Variants in MACF1 observed in about 807,000 individuals in gnomAD.
The protein encoded by MACF1 is microtubule actin crosslinking factor 1.
In MACF1, 193 loss-of-function variants were observed where a neutral mutation model predicts 854.8. That is an observed-to-expected ratio of 0.23 (90% CI 0.20 to 0.25). MACF1 has a LOEUF of 0.25. Ranked by LOEUF, MACF1 falls within the 10% of genes least tolerant of loss-of-function variation. The pLI is 1.00. For missense variants in MACF1, 7,722 were observed against 8,929.1 expected, an observed-to-expected ratio of 0.86 and a Z score of 5.45; for synonymous variants, 3,185 against 3,226.7, an observed-to-expected ratio of 0.99 and a Z score of 0.44.
At chr1:39,201,389 G>A (rs907307315), upstream of MACF1, among the ~76,000 whole-genome samples, 4 of 151,754 alleles carry the variant, frequency 2.6e-5, no homozygotes, top group East Asian at 3.9e-4. Flanking sequence ...ATAGAGTTTC[G>A]TTCTGTCACC....
chr1:39,315,654 G>A lies in MACF1; in HGVS notation c.3412G>A (p.Asp1138Asn). Residue 1138 changes from aspartate (D) to asparagine (N), a missense_variant, in exon 27 of 101, where the codon GAC becomes AAC. Asp to Asn is a conservative substitution (Grantham distance 23). Coordinates refer to ENST00000564288, the MANE Select transcript of MACF1 (RefSeq NM_001394062.1). ...SELNLLVEKMDHVYGLSTVYL... is the reference protein window; with the variant it reads ...SELNLLVEKMNHVYGLSTVYL... ...ACTGAATCTGCTGGTGGAGAAGATGGACCATGTCTATGGTCTCTCTACTGT... is the reference window on the plus strand; with the variant it reads ...ACTGAATCTGCTGGTGGAGAAGATGAACCATGTCTATGGTCTCTCTACTGT... 2 of 1,614,128 alleles carry A rather than the reference G, an allele frequency of 1.2e-6. No individual in the cohort carries two copies. Among genetic ancestry groups the A allele is most frequent in the Middle Eastern group, 1.7e-4 (1 of 6,060 alleles).
At chr1:39,438,692 C>T (rs1249542208) in intron 71 of MACF1, among the ~76,000 whole-genome samples, 5 of 152,078 alleles carry the variant, frequency 3.3e-5, no homozygotes, top group East Asian at 1.9e-4. Context: ...GCAGGAGAAT[C>T]GCTTGAACCT....
At chr1:39,157,388 T>A (rs188025819) in intron 2 of MACF1, among the ~76,000 whole-genome samples, 1 of 152,240 alleles carries the variant, frequency 6.6e-6, no homozygotes, top group African/African-American at 2.4e-5. Flanking sequence ...CTGCATCCAA[T>A]CTGTAATTGG....
chr1:39,309,687 C>A lies in MACF1; in HGVS notation c.2907C>A (p.Asn969Lys). 1 of 1,610,726 alleles carries A rather than the reference C, an allele frequency of 6.2e-7. No individual in the cohort carries two copies. The highest frequency in any genetic ancestry group is 8.5e-7 in the Non-Finnish European group (1 of 1,179,136). ...RKDLDLVQTW[N>K]LEKLRSSAPG... is the part of the protein sequence containing the mutation. Reference sequence around the variant, plus strand: ...ACCTTGACCTTGTACAGACCTGGAACCTAGAAAAGGTAATTATGAAAACCT... The same window carrying A: ...ACCTTGACCTTGTACAGACCTGGAAACTAGAAAAGGTAATTATGAAAACCT... The change falls in exon 24 of 101, where the codon AAC becomes AAA. Residue 969 changes from asparagine to lysine, a missense_variant. Physicochemically the swap from Asn to Lys is moderately conservative, Grantham distance 94. Coordinates refer to ENST00000564288, the MANE Select transcript of MACF1 (RefSeq NM_001394062.1).
At chr1:39,269,535 T>G (rs1245743002) in intron 6 of MACF1, 25 of 1,289,662 alleles carry the variant, frequency 1.9e-5, no homozygotes, top group Non-Finnish European at 2.4e-5. Context: ...TCAGAGTGAT[T>G]TGTCCATCAG....
chr1:39,228,416 T>A (rs1376236941), intron 1 of MACF1, among the ~76,000 whole-genome samples: 3 of 152,058 alleles, frequency 2.0e-5, no homozygotes, highest in African/African-American at 7.2e-5. Context: ...GGAAAATAAG[T>A]AGTATGAGCA....
chr1:39,441,168 G>A (rs1356636107), intron 73 of MACF1, 43 bp downstream of exon 73: 1 of 1,614,036 alleles, frequency 6.2e-7, no homozygotes, highest in East Asian at 2.2e-5. Context: ...ACATTAGTGG[G>A]CCCAGACTGA....
At chr1:39,448,561 T>C in intron 83 of MACF1, 33 bp from the exon 84 acceptor site, 1 of 1,459,116 alleles carries the variant, frequency 6.9e-7, no homozygotes, top group South Asian at 1.6e-5. Flanking sequence ...GTCTGACTTT[T>C]AACACTTTTT....
At chr1:39,118,998 A>G (rs1642616803) in intron 2 of MACF1, among the ~76,000 whole-genome samples, 1 of 152,160 alleles carries the variant, frequency 6.6e-6, no homozygotes, top group Non-Finnish European at 1.5e-5. Context: ...TGGAAAACTA[A>G]ATGGTGATTT....
At chr1:39,383,089 CCAGCCTGG>C (rs1338013301) in intron 56 of MACF1, among the ~76,000 whole-genome samples, 2 of 152,112 alleles carry the variant, frequency 1.3e-5, no homozygotes, top group African/African-American at 2.4e-5. Flanking sequence ...CCACTGCACT[CCAGCCTGG>C]GCAACAGAGC....
At chr1:39,116,855 A>C (rs1294975641) in intron 2 of MACF1, among the ~76,000 whole-genome samples, 3 of 152,076 alleles carry the variant, frequency 2.0e-5, no homozygotes. Flanking sequence ...TGGAGGATTC[A>C]CTCACTCTCC....
chr1:39,429,751 AT>A (rs1001219831), intron 64 of MACF1, 75 bp from the exon 65 acceptor site: 20 of 1,413,814 alleles, frequency 1.4e-5, no homozygotes, highest in Non-Finnish European at 1.9e-5. Flanking sequence ...TAAAGCTCTG[AT>A]TTGAAGAAAG....
At chr1:39,095,844 A>G (rs1288629467) in intron 2 of MACF1, among the ~76,000 whole-genome samples, 1 of 151,706 alleles carries the variant, frequency 6.6e-6, no homozygotes, top group Non-Finnish European at 1.5e-5. Context: ...ACTACACTCC[A>G]GCGTAGGCAA....
chr1:39,388,680 C>T, intron 58 of MACF1, 22 bp downstream of exon 58: 1 of 1,516,002 alleles, frequency 6.6e-7, no homozygotes, highest in Non-Finnish European at 8.8e-7. Context: ...CCTTGTTTTT[C>T]TTTTTCTTTT....
intron 6 of MACF1, chr1:39,268,852 C>G: frequency 7.8e-7 from 1 of 1,289,786 alleles, no homozygotes; most frequent in Non-Finnish European, 1.0e-6. Context: ...GAAGAAACCT[C>G]AGAAGGAACT....
Position 39,209,751 on chromosome 1 carries a change from C to T in MACF1, c.109+4620C>T, listed in dbSNP as rs1181384850. 4.6e-5 allele frequency among the ~76,000 whole-genome samples: 7 copies of T among 152,020 alleles called. No homozygotes were observed. The East Asian group carries it at 5.8e-4, about 13-fold the overall frequency. On this transcript the variant is annotated intron_variant, in intron 1 of 100. Coordinates refer to ENST00000564288, the MANE Select transcript of MACF1 (RefSeq NM_001394062.1). ...GAATTGTTGTTGTCTCCCTTCTAGT[C>T]GCTGCTATGCCCTTGGTTTTCTTGA...
At chr1:39,257,893 A>C in intron 5 of MACF1, 43 bp from the exon 6 acceptor site, 2 of 1,441,852 alleles carry the variant, frequency 1.4e-6, no homozygotes, top group Non-Finnish European at 1.9e-6. Flanking sequence ...AATCAAAACA[A>C]AAAGTCCTAG....
intron 25 of MACF1, 132 bp from the exon 26 acceptor site, chr1:39,310,699 A>C: frequency 1.1e-6 from 1 of 917,010 alleles, no homozygotes; most frequent in Non-Finnish European, 1.6e-6. Flanking sequence ...AGTATACAGT[A>C]TGTGAAATTT....
chr1:39,389,365 T>G (rs1307951981), intron 58 of MACF1, among the ~76,000 whole-genome samples: 3 of 137,834 alleles, frequency 2.2e-5, no homozygotes, highest in African/African-American at 5.4e-5. Flanking sequence ...TTTTTTTTTT[T>G]TTTTTTTTTT....
Sources: allele counts gnomAD v4.1 joint callset (sites outside exome capture counted in the v4.1 genomes callset), GRCh38; gene constraint gnomAD v4.1.1; transcripts MANE v1.5; gene names NCBI Gene and HGNC (gene_info 2026-07-23, HGNC 2026-07-21).